The following NCKAP5 variants were observed in gnomAD, a reference collection of about 807,000 sequenced individuals.
NCKAP5 encodes NCK associated protein 5.
Under a neutral mutation model 167.0 loss-of-function variants are expected in NCKAP5, and 92 were observed. The ratio of observed to expected loss-of-function variants is 0.55; its 90% CI spans 0.47 to 0.66. The LOEUF is 0.66. Ranked by LOEUF, NCKAP5 falls within the 30% of genes least tolerant of loss-of-function variation. The pLI, the probability that NCKAP5 is intolerant of heterozygous loss-of-function variation, is 0.00. For missense variants in NCKAP5, 2,378 were observed against 2,315.0 expected (o/e 1.03, Z -0.56); for synonymous variants, 891 against 877.4 (o/e 1.02, Z -0.27).
chr2:132,948,893 A>G (rs944109730), intron 8 of NCKAP5, among the ~76,000 whole-genome samples: 5 of 152,156 alleles, frequency 3.3e-5, no homozygotes, highest in African/African-American at 1.2e-4. Flanking sequence ...TGTTTGGCTG[A>G]TTCACTATGA....
the NCKAP5 span, among the ~76,000 whole-genome samples, chr2:133,578,376 A>G: frequency 6.6e-6 from 1 of 152,238 alleles, no homozygotes; most frequent in Non-Finnish European, 1.5e-5. Flanking sequence ...TTTCTGGGAA[A>G]GTACAATCTT....
intron 3 of NCKAP5, among the ~76,000 whole-genome samples, chr2:133,321,493 T>C (rs990106407): frequency 1.3e-5 from 2 of 152,224 alleles, no homozygotes; most frequent in African/African-American, 4.8e-5. Flanking sequence ...TACTTTGTCA[T>C]ATTAAGCTTA....
intron 6 of NCKAP5, among the ~76,000 whole-genome samples, chr2:133,069,253 C>T (rs1247890384): frequency 6.6e-6 from 1 of 152,114 alleles, no homozygotes; most frequent in African/African-American, 2.4e-5. Flanking sequence ...ATAACATATA[C>T]ATGTAAAACA....
chr2:133,503,090 G>C (rs1479912408), intron 3 of NCKAP5, among the ~76,000 whole-genome samples: 1 of 152,166 alleles, frequency 6.6e-6, no homozygotes, highest in Non-Finnish European at 1.5e-5. Context: ...GAGTGTGTAT[G>C]GTTTATCCAC....
chr2:133,181,331 C>T (rs2084723299), intron 5 of NCKAP5, among the ~76,000 whole-genome samples: 1 of 151,640 alleles, frequency 6.6e-6, no homozygotes, highest in Non-Finnish European at 1.5e-5. Flanking sequence ...TAAACCGATA[C>T]ACTAAAAAAT....
chr2:132,755,903 C>T (rs574693834), intron 16 of NCKAP5, among the ~76,000 whole-genome samples: 6 of 139,762 alleles, frequency 4.3e-5, no homozygotes, highest in South Asian at 2.2e-4. Flanking sequence ...TAATGAAGAT[C>T]GATGCTTGAG....
intron 6 of NCKAP5, among the ~76,000 whole-genome samples, chr2:133,120,335 C>T (rs1267501853): frequency 2.0e-5 from 3 of 152,186 alleles, no homozygotes; most frequent in East Asian, 3.9e-4. Context: ...ACCATCTTAA[C>T]AGAATTATTT....
chr2:133,649,300 C>T, the NCKAP5 span, among the ~76,000 whole-genome samples: 1 of 150,794 alleles, frequency 6.6e-6, no homozygotes, highest in African/African-American at 2.4e-5. Flanking sequence ...ATGAATACTA[C>T]CAAACTTTAA....
intron 15 of NCKAP5, among the ~76,000 whole-genome samples, chr2:132,776,948 G>C (rs1292105882): frequency 1.3e-5 from 2 of 152,176 alleles, no homozygotes; most frequent in Non-Finnish European, 2.9e-5. Context: ...GAATGGGAGA[G>C]TGAACACAAA....
At chr2:132,993,572 A>C in intron 7 of NCKAP5, among the ~76,000 whole-genome samples, 1 of 152,154 alleles carries the variant, frequency 6.6e-6, no homozygotes, top group Non-Finnish European at 1.5e-5. Context: ...CCCAGACCCC[A>C]TCCAGCTCTT....
chr2:133,188,298 C>A (rs1020496154), intron 5 of NCKAP5, among the ~76,000 whole-genome samples: 6 of 151,982 alleles, frequency 3.9e-5, no homozygotes, highest in African/African-American at 9.7e-5. Flanking sequence ...CCTTAGAGAC[C>A]TACAAAGAGA....
intron 3 of NCKAP5, among the ~76,000 whole-genome samples, chr2:133,447,448 T>A (rs1691271227): frequency 6.6e-6 from 1 of 150,884 alleles, no homozygotes; most frequent in Non-Finnish European, 1.5e-5. Flanking sequence ...TTTTTTCTTC[T>A]CTCTCTCTCC....
At chr2:133,392,291 TA>T (rs1388769950) in intron 3 of NCKAP5, among the ~76,000 whole-genome samples, 2 of 152,184 alleles carry the variant, frequency 1.3e-5, no homozygotes, top group Non-Finnish European at 2.9e-5. Context: ...TAACATGCTG[TA>T]AATTAAGGTT....
chr2:133,459,269 C>T (rs1559499391), intron 3 of NCKAP5, among the ~76,000 whole-genome samples: 3 of 152,094 alleles, frequency 2.0e-5, no homozygotes, highest in African/African-American at 4.8e-5. Flanking sequence ...TGGTCTGGAA[C>T]GCCTGGCCTC....
At chr2:132,933,925 A>G (rs1696639773) in intron 8 of NCKAP5, among the ~76,000 whole-genome samples, 1 of 152,356 alleles carries the variant, frequency 6.6e-6, no homozygotes, top group African/African-American at 2.4e-5. Context: ...AGAGCAGGAT[A>G]AATTGTCGAG....
At chr2:133,221,394 G>C (rs1051577669) in intron 4 of NCKAP5, among the ~76,000 whole-genome samples, 1 of 151,942 alleles carries the variant, frequency 6.6e-6, no homozygotes, top group East Asian at 1.9e-4. Flanking sequence ...CACCTATATT[G>C]GTTTTTATTA....
chr2:132,899,773 C>T (rs932702520), intron 8 of NCKAP5, among the ~76,000 whole-genome samples: 1 of 152,008 alleles, frequency 6.6e-6, no homozygotes, highest in Non-Finnish European at 1.5e-5. Flanking sequence ...TACTCGGGAG[C>T]CTGAGGCATG....
chr2:133,350,446 T>C (rs956164688), intron 3 of NCKAP5, among the ~76,000 whole-genome samples: 2 of 152,048 alleles, frequency 1.3e-5, no homozygotes, highest in African/African-American at 4.8e-5. Flanking sequence ...AATAAATAGA[T>C]ATGAAACCTG....
At chr2:133,415,408 G>A (rs1339440482) in intron 3 of NCKAP5, among the ~76,000 whole-genome samples, 1 of 152,216 alleles carries the variant, frequency 6.6e-6, no homozygotes, top group Admixed American at 6.5e-5. Context: ...GCTCTGTGTG[G>A]GGCATCAGCT....
Sources: allele counts gnomAD v4.1 joint callset (sites outside exome capture counted in the v4.1 genomes callset), GRCh38; gene constraint gnomAD v4.1.1; transcripts MANE v1.5; gene names NCBI Gene and HGNC (gene_info 2026-07-23, HGNC 2026-07-21).